The following PTGDR variants were observed in gnomAD, a reference collection of about 807,000 sequenced individuals.
PTGDR encodes the protein prostaglandin D2 receptor.
A neutral mutation model predicts 17.4 loss-of-function variants in PTGDR; 19 were observed. That is an observed-to-expected ratio of 1.09 (90% CI 0.76 to 1.60). PTGDR has a LOEUF of 1.60. Among genes scored for constraint, PTGDR ranks in the 40% most tolerant of loss-of-function variants. PTGDR has a pLI of 0.00. For missense variants in PTGDR, 526 were observed against 481.9 expected (o/e 1.09, Z -0.86); for synonymous variants, 267 against 224.2 (o/e 1.19, Z -1.71).
chr14:52,270,375 G>A (rs181444280), intron 1 of PTGDR, among the ~76,000 whole-genome samples: 5 of 152,092 alleles, frequency 3.3e-5, no homozygotes, highest in East Asian at 1.9e-4. Flanking sequence ...GTGAAACCCC[G>A]TCTCTAAAAA....
At position 52,267,766 on chromosome 14, in the gene PTGDR, GC is replaced by G; in HGVS notation, c.-46del. ...GGCTCCTTAGCACCCGGGCGCCGGG[GC>G]CCTCGCCCTTCCGCAGCCTTCACTC... On this transcript the variant is annotated 5_prime_UTR_variant, in exon 1 of 2. Transcript: ENST00000306051. The G allele has an allele frequency of 2.0e-6, 3 of 1,495,026 alleles. No individual in the cohort carries two copies. The highest frequency in any genetic ancestry group is 2.7e-6 in the Non-Finnish European group (3 of 1,125,000). 92.6% of individuals were successfully genotyped at this position (1,495,026 alleles called of 1,614,324 possible). A position where few individuals can be genotyped will look rare whatever the true frequency, so the allele number is the denominator to read the frequency against.
chr14:52,280,517 C>T (rs573844363), downstream of PTGDR, among the ~76,000 whole-genome samples: 11 of 152,316 alleles, frequency 7.2e-5, no homozygotes, highest in South Asian at 4.1e-4. Context: ...TTTGTCCACA[C>T]GGAAATTCCT....
At chr14:52,269,422 G>T in intron 1 of PTGDR, 1 of 1,462,738 alleles carries the variant, frequency 6.8e-7, no homozygotes, top group Non-Finnish European at 9.2e-7. Flanking sequence ...GGATAGCGAT[G>T]GAAATGAAAT....
At chr14:52,280,764 A>C (rs747314178), downstream of PTGDR, among the ~76,000 whole-genome samples, 38 of 152,136 alleles carry the variant, frequency 2.5e-4, no homozygotes, top group Non-Finnish European at 1.3e-4. Context: ...GTTTTCCCCT[A>C]CCCTCTTCTC....
Position 52,268,441 on chromosome 14 carries a change from G to A in PTGDR, c.627G>A (p.Leu209=). The change falls in exon 1 of 2, where the codon CTG becomes CTA. Residue 209 remains leucine, a synonymous_variant. Transcript: ENST00000306051. ...TGCTCTACTCCAGCCTCATGGCGCT[G>A]CTGGTCCTCGCCACCGTGCTGTGCA... The part of the protein sequence containing the change: ...YSVLYSSLMA[L]LVLATVLCNL... The A allele has an allele frequency of 6.2e-7, 1 of 1,609,826 alleles. No homozygotes were observed. The highest frequency in any genetic ancestry group is 1.1e-5 in the South Asian group (1 of 91,086).
Position 52,271,628 on chromosome 14 carries a change from C to T in PTGDR, c.846+2968C>T, listed in dbSNP as rs34693157. On this transcript the variant is annotated intron_variant, in intron 1 of 1. Coordinates refer to ENST00000306051, the MANE Select transcript of PTGDR (RefSeq NM_000953.3). Reference sequence around the variant, plus strand: ...AGAGCACAAAAGTACTGAAAACAGTCTCTGAAAATTCACGTGTGTACCCTC... The same window carrying T: ...AGAGCACAAAAGTACTGAAAACAGTTTCTGAAAATTCACGTGTGTACCCTC... 4.0e-3 allele frequency among the ~76,000 whole-genome samples: 611 copies of T among 152,318 alleles called. 2 individuals carry two copies. Among genetic ancestry groups the T allele is most frequent in the Middle Eastern group, 0.017 (5 of 294 alleles).
chr14:52,269,566 T>A, intron 1 of PTGDR: 1 of 1,484,400 alleles, frequency 6.7e-7, no homozygotes, highest in African/African-American at 1.4e-5. Flanking sequence ...AAAACAATAC[T>A]TACAGAAATT....
Position 52,275,306 on chromosome 14 carries a change from C to A in PTGDR, c.*342C>A. 5.1e-6 allele frequency: 1 copy of A among 197,328 alleles called. No individual in the cohort carries two copies. The highest frequency in any genetic ancestry group is 1.3e-4 in the East Asian group (1 of 7,914). The allele number at this position is 197,328 out of a possible 1,614,324, so 12.2% of individuals were successfully genotyped here. A position where few individuals can be genotyped will look rare whatever the true frequency, so the allele number is the denominator to read the frequency against. ...TTTTTTAGAGAGGCCTTGAGACATA[C>A]AGGTCTTTTAAAATACAGTAGAAAC... On this transcript the variant is annotated 3_prime_UTR_variant, in exon 2 of 2. Transcript: ENST00000306051.
At chr14:52,269,300 T>C (rs1227272150) in intron 1 of PTGDR, 2 of 626,236 alleles carry the variant, frequency 3.2e-6, no homozygotes, top group African/African-American at 1.8e-5. Flanking sequence ...AGGCTCTTTG[T>C]ATGTTTTAGC....
chr14:52,267,760 G>C lies in PTGDR; in HGVS notation c.-55G>C. On this transcript the variant is annotated 5_prime_UTR_variant, in exon 1 of 2. Transcript: ENST00000306051. ...GCCGGGGGCTCCTTAGCACCCGGGC[G>C]CCGGGGCCCTCGCCCTTCCGCAGCC... The C allele has an allele frequency of 6.7e-7, 1 of 1,491,170 alleles. No individual in the cohort carries two copies. Among genetic ancestry groups the C allele is most frequent in the Non-Finnish European group, 8.9e-7 (1 of 1,123,990 alleles). The allele number at this position is 1,491,170 out of a possible 1,614,324, so 92.4% of individuals were successfully genotyped here.
chr14:52,278,473 G>C (rs993313708), downstream of PTGDR, among the ~76,000 whole-genome samples: 1 of 152,184 alleles, frequency 6.6e-6, no homozygotes, highest in South Asian at 2.1e-4. Context: ...GTTGTGGGGT[G>C]GGGGGAGCTG....
At chr14:52,272,332 G>A (rs182263099) in intron 1 of PTGDR, among the ~76,000 whole-genome samples, 14 of 152,140 alleles carry the variant, frequency 9.2e-5, no homozygotes, top group Admixed American at 2.0e-4. Context: ...CTAGCCAGGC[G>A]TGGTGACACA....
In PTGDR at chr14:52,268,612, G is replaced by C; in HGVS notation, c.798G>C (p.Leu266=). 1 of 1,606,638 alleles carries C rather than the reference G, an allele frequency of 6.2e-7. No individual in the cohort carries two copies. ...QPLEELDHLL[L]LALMTVLFTM... ...TGGAGGAGCTGGATCACCTCCTGCT[G>C]CTGGCGCTGATGACCGTGCTCTTCA... The change falls in exon 1 of 2, where the codon CTG becomes CTC. Residue 266 remains leucine (L), a synonymous_variant. Coordinates refer to ENST00000306051, the MANE Select transcript of PTGDR (RefSeq NM_000953.3).
intron 1 of PTGDR, among the ~76,000 whole-genome samples, chr14:52,272,366 C>T (rs979958776): frequency 4.0e-5 from 6 of 151,822 alleles, no homozygotes; most frequent in African/African-American, 1.5e-4. Context: ...AGCTACTTGG[C>T]TGAGGTGGGA....
At position 52,275,494 on chromosome 14, in the gene PTGDR, G is replaced by A. The variant is rs200517234; in HGVS notation, c.*530G>A. On this transcript the variant is annotated 3_prime_UTR_variant, in exon 2 of 2. Transcript: ENST00000306051. ...ATAGCCTGAATTATGATGTTCCTCA[G>A]AGAAGTGAGGTGGGAAATATGACCA... The A allele has an allele frequency of 2.0e-5, 3 of 153,794 alleles. No individual in the cohort carries two copies. The highest frequency in any genetic ancestry group is 1.3e-4 in the Admixed American group (2 of 15,510). The allele number at this position is 153,794 out of a possible 1,614,324, so 9.5% of individuals were successfully genotyped here. A position where few individuals can be genotyped will look rare whatever the true frequency, so the allele number is the denominator to read the frequency against.
chr14:52,274,608 GTA>G, intron 1 of PTGDR, 121 bp from the exon 2 acceptor site: 1 of 814,122 alleles, frequency 1.2e-6, no homozygotes. Context: ...ACTTGTAAAT[GTA>G]CCAAAAATGG....
At chr14:52,269,633 T>A in intron 1 of PTGDR, 1 of 1,070,838 alleles carries the variant, frequency 9.3e-7, no homozygotes, top group Non-Finnish European at 1.3e-6. Flanking sequence ...GGAAAGTTGT[T>A]AAATTTCTTC....
chr14:52,273,078 TC>T (rs921591744), intron 1 of PTGDR, among the ~76,000 whole-genome samples: 3 of 152,180 alleles, frequency 2.0e-5, no homozygotes, highest in African/African-American at 7.2e-5. Context: ...AATGGCACAA[TC>T]TAGGCGCACT....
At chr14:52,268,705 G>A (rs763480469) in intron 1 of PTGDR, 45 bp downstream of exon 1, 3 of 1,513,168 alleles carry the variant, frequency 2.0e-6, no homozygotes, top group Non-Finnish European at 2.7e-6. Flanking sequence ...AGACTGTCCG[G>A]CCGCGGATGC....
Sources: allele counts gnomAD v4.1 joint callset (sites outside exome capture counted in the v4.1 genomes callset), GRCh38; gene constraint gnomAD v4.1.1; transcripts MANE v1.5; gene names NCBI Gene and HGNC (gene_info 2026-07-23, HGNC 2026-07-21).